The following PTPRD variants were observed in gnomAD, a reference collection of about 807,000 sequenced individuals.
PTPRD encodes receptor-type tyrosine-protein phosphatase delta.
A neutral mutation model predicts 214.5 loss-of-function variants in PTPRD; 34 were observed. The ratio of observed to expected loss-of-function variants is 0.16; its 90% CI spans 0.12 to 0.21. The LOEUF is 0.21. Ranked by LOEUF, PTPRD falls within the 10% of genes least tolerant of loss-of-function variation. PTPRD has a pLI of 1.00. For synonymous variants in PTPRD, 1,128 were observed against 845.7 expected (o/e 1.33, Z -5.79); for missense variants, 2,545 against 2,398.7 (o/e 1.06, Z -1.27).
chr9:8,838,038 G>A (rs1377391761), intron 11 of PTPRD, among the ~76,000 whole-genome samples: 1 of 152,080 alleles, frequency 6.6e-6, no homozygotes, highest in Non-Finnish European at 1.5e-5. Context: ...TGAAGTTCAT[G>A]TCAATGAATA....
At chr9:8,368,184 A>T (rs2080480572) in intron 39 of PTPRD, among the ~76,000 whole-genome samples, 1 of 152,204 alleles carries the variant, frequency 6.6e-6, no homozygotes, top group Admixed American at 6.5e-5. Flanking sequence ...CACATAGATC[A>T]GAAAGGGGGT....
At chr9:9,369,242 C>T (rs2139616039) in intron 9 of PTPRD, among the ~76,000 whole-genome samples, 1 of 152,194 alleles carries the variant, frequency 6.6e-6, no homozygotes, top group African/African-American at 2.4e-5. Flanking sequence ...AAAAGTGTTC[C>T]TATTTCTCCA....
chr9:9,324,231 T>C (rs1399802544), intron 9 of PTPRD, among the ~76,000 whole-genome samples: 1 of 152,124 alleles, frequency 6.6e-6, no homozygotes, highest in Non-Finnish European at 1.5e-5. Context: ...GGTCAAATGG[T>C]ATTTCTAGTT....
At chr9:9,288,467 GTCATTAA>G (rs1555179450) in intron 9 of PTPRD, among the ~76,000 whole-genome samples, 1 of 151,690 alleles carries the variant, frequency 6.6e-6, no homozygotes, top group Non-Finnish European at 1.5e-5. Flanking sequence ...TATTTCCATA[GTCATTAA>G]CCAGCACTTG....
At chr9:8,726,477 A>T (rs939717590) in intron 12 of PTPRD, among the ~76,000 whole-genome samples, 1 of 148,378 alleles carries the variant, frequency 6.7e-6, no homozygotes, top group African/African-American at 2.5e-5. Flanking sequence ...AACGCCTATA[A>T]TTCCAGCACT....
intron 10 of PTPRD, among the ~76,000 whole-genome samples, chr9:9,120,889 A>T (rs1292570006): frequency 6.6e-6 from 1 of 152,182 alleles, no homozygotes; most frequent in Non-Finnish European, 1.5e-5. Context: ...CCTTGCTTGA[A>T]TCTAAAATGC....
rs1239086353 is a variant in PTPRD, at chr9:8,316,728, G to T, written c.*1146C>A. 2.2e-5 allele frequency: 5 copies of T among 230,364 alleles called. No individual in the cohort carries two copies. The highest frequency in any genetic ancestry group is 4.3e-5 in the Non-Finnish European group (5 of 116,368). 14.3% of individuals were successfully genotyped at this position (230,364 alleles called of 1,614,324 possible). On this transcript the variant is annotated 3_prime_UTR_variant, in exon 46 of 46. Coordinates refer to ENST00000381196, the MANE Select transcript of PTPRD (RefSeq NM_002839.4). ...GATGTGATTGATTGGTTAGGTGGGG[G>T]TAGATTAGGTAGGAAATCAGGGGGT...
At chr9:8,569,880 A>G (rs988192098) in intron 14 of PTPRD, among the ~76,000 whole-genome samples, 3 of 152,286 alleles carry the variant, frequency 2.0e-5, no homozygotes, top group Admixed American at 2.0e-4. Context: ...CAATATTTGG[A>G]TATTTTGTTA....
intron 5 of PTPRD, among the ~76,000 whole-genome samples, chr9:9,909,945 T>G: frequency 6.6e-6 from 1 of 151,982 alleles, no homozygotes; most frequent in Admixed American, 6.6e-5. Flanking sequence ...AGATAAGGCA[T>G]GCATACAAAT....
At chr9:8,541,475 C>G (rs982610225) in intron 14 of PTPRD, among the ~76,000 whole-genome samples, 1 of 152,160 alleles carries the variant, frequency 6.6e-6, no homozygotes, top group Admixed American at 6.5e-5. Flanking sequence ...AAGTGACACT[C>G]CTGCCTCCAC....
At chr9:9,897,996 T>G (rs1412194344) in intron 5 of PTPRD, among the ~76,000 whole-genome samples, 1 of 151,940 alleles carries the variant, frequency 6.6e-6, no homozygotes, top group Non-Finnish European at 1.5e-5. Flanking sequence ...AAATCTTTAC[T>G]TATAAAAACA....
At chr9:9,460,303 C>T (rs62533167) in intron 8 of PTPRD, among the ~76,000 whole-genome samples, 25,805 of 151,904 alleles carry the variant, frequency 0.17, 2,659 homozygotes, top group Admixed American at 0.32. Context: ...ATGACTAAGA[C>T]CTCAAAAGCA....
At position 8,458,397 on chromosome 9, in the gene PTPRD, C is replaced by T. The variant is rs115308827; in HGVS notation, c.3875+2014G>A. Among the ~76,000 whole-genome samples the T allele has an allele frequency of 7.5e-3, 1,135 of 152,054 alleles. 11 individuals carry two copies. Among genetic ancestry groups the T allele is most frequent in the African/African-American group, 0.026 (1,082 of 41,500 alleles). ...TGATTTAATGATAGCTATGTATATC[C>T]AAATAAAACATAACTTAAAAATAAG... On this transcript the variant is annotated intron_variant, in intron 33 of 45. Transcript: ENST00000381196.
chr9:8,499,506 T>C (rs1401300303), intron 25 of PTPRD, 141 bp downstream of exon 25: 2 of 752,220 alleles, frequency 2.7e-6, no homozygotes, highest in Non-Finnish European at 4.2e-6. Flanking sequence ...AAAAGATCAA[T>C]ATACATCAAT....
chr9:8,510,544 A>G (rs995551466), intron 21 of PTPRD, among the ~76,000 whole-genome samples: 4 of 152,168 alleles, frequency 2.6e-5, no homozygotes, highest in African/African-American at 9.6e-5. Context: ...CCTTCCAGGT[A>G]AAACCTTTCC....
chr9:8,467,562 A>C (rs538536422), intron 31 of PTPRD, among the ~76,000 whole-genome samples: 13 of 151,964 alleles, frequency 8.6e-5, no homozygotes, highest in African/African-American at 2.9e-4. Flanking sequence ...AATTAGACTC[A>C]ATTACTGAAA....
chr9:9,965,362 A>C lies in PTPRD; in HGVS notation c.-471-26752T>G, dbSNP rs147925731. On this transcript the variant is annotated intron_variant, in intron 4 of 45. Coordinates refer to ENST00000381196, the MANE Select transcript of PTPRD (RefSeq NM_002839.4). ...GTTAATGAGAGGAGAAGGCTTTCAAAACGGAGGAGACTGGTGAGGCAGGTA... is the reference window on the plus strand; with the variant it reads ...GTTAATGAGAGGAGAAGGCTTTCAACACGGAGGAGACTGGTGAGGCAGGTA... Among the ~76,000 whole-genome samples the C allele has an allele frequency of 5.3e-5, 8 of 152,250 alleles. No homozygotes were observed. In the East Asian group the frequency reaches 1.5e-3, roughly 29 times the overall value.
chr9:9,479,578 T>C (rs573815901), intron 8 of PTPRD, among the ~76,000 whole-genome samples: 2 of 152,170 alleles, frequency 1.3e-5, no homozygotes, highest in Non-Finnish European at 2.9e-5. Flanking sequence ...ACTTGCTTTT[T>C]CTATATAGAA....
At chr9:9,564,492 T>C (rs777930595) in intron 8 of PTPRD, among the ~76,000 whole-genome samples, 1 of 152,210 alleles carries the variant, frequency 6.6e-6, no homozygotes, top group Non-Finnish European at 1.5e-5. Context: ...AAATTCGAAT[T>C]TCTTAGGCTG....
Sources: allele counts gnomAD v4.1 joint callset (sites outside exome capture counted in the v4.1 genomes callset), GRCh38; gene constraint gnomAD v4.1.1; transcripts MANE v1.5; gene names NCBI Gene and HGNC (gene_info 2026-07-23, HGNC 2026-07-21).